The following AUTS2 variants were observed in gnomAD, a reference collection of about 807,000 sequenced individuals.
AUTS2 encodes the protein autism susceptibility gene 2 protein.
Under a neutral mutation model 112.4 loss-of-function variants are expected in AUTS2, and 17 were observed. That is an observed-to-expected ratio of 0.15 (90% confidence interval 0.10 to 0.23). The LOEUF (loss-of-function observed/expected upper bound fraction) is 0.23, where lower values mean the gene tolerates loss of function less well. Ranked by LOEUF, AUTS2 falls within the 10% of genes least tolerant of loss-of-function variation. The pLI is 1.00. For synonymous variants in AUTS2, 751 were observed against 702.7 expected, an observed-to-expected ratio of 1.07 and a Z score of -1.09; for missense variants, 1,510 against 1,701.6, an observed-to-expected ratio of 0.89 and a Z score of 1.98.
At chr7:70,063,349 T>C (rs2129561181) in intron 2 of AUTS2, among the ~76,000 whole-genome samples, 1 of 152,060 alleles carries the variant, frequency 6.6e-6, no homozygotes, top group Admixed American at 6.5e-5. Context: ...ATTTGATATA[T>C]AAAAATCCAT....
chr7:69,915,859 T>A (rs368404402), intron 2 of AUTS2, among the ~76,000 whole-genome samples: 2 of 152,316 alleles, frequency 1.3e-5, no homozygotes, highest in East Asian at 1.9e-4. Context: ...CCTGAGTAGC[T>A]GGGACTACAG....
At chr7:70,254,579 G>A (rs1299673692) in intron 4 of AUTS2, among the ~76,000 whole-genome samples, 2 of 152,094 alleles carry the variant, frequency 1.3e-5, no homozygotes, top group South Asian at 2.1e-4. Context: ...AACACTGTCC[G>A]TTTGTACATG....
intron 5 of AUTS2, among the ~76,000 whole-genome samples, chr7:70,644,340 T>C (rs1250891285): frequency 6.6e-6 from 1 of 151,926 alleles, no homozygotes; most frequent in African/African-American, 2.4e-5. Context: ...TTTAGGAAAA[T>C]TTTGAGCAGA....
At chr7:69,939,763 G>T (rs1796552371) in intron 2 of AUTS2, among the ~76,000 whole-genome samples, 1 of 152,196 alleles carries the variant, frequency 6.6e-6, no homozygotes, top group Non-Finnish European at 1.5e-5. Context: ...TCTATGTAGA[G>T]CAGAGCATGG....
intron 6 of AUTS2, among the ~76,000 whole-genome samples, chr7:70,752,136 C>G (rs1414724200): frequency 6.6e-6 from 1 of 151,924 alleles, no homozygotes; most frequent in Admixed American, 6.6e-5. Flanking sequence ...GCCAGGACAG[C>G]TAAGAATCGC....
intron 4 of AUTS2, among the ~76,000 whole-genome samples, chr7:70,167,424 A>G (rs1808441892): frequency 6.6e-6 from 1 of 152,212 alleles, no homozygotes; most frequent in African/African-American, 2.4e-5. Flanking sequence ...ACATAAAGCA[A>G]AAACTAATAG....
chr7:69,855,896 G>A (rs564452910), intron 1 of AUTS2, among the ~76,000 whole-genome samples: 2 of 152,208 alleles, frequency 1.3e-5, no homozygotes, highest in African/African-American at 4.8e-5. Context: ...AGGGCCTCAG[G>A]GATGGTGGGT....
intron 4 of AUTS2, among the ~76,000 whole-genome samples, chr7:70,420,103 ACAGT>A (rs1157820570): frequency 6.6e-6 from 1 of 152,212 alleles, no homozygotes; most frequent in Non-Finnish European, 1.5e-5. Context: ...GGCTTTCTAC[ACAGT>A]CAGCTTGAAA....
At chr7:69,926,067 A>T (rs571633406) in intron 2 of AUTS2, among the ~76,000 whole-genome samples, 35 of 152,318 alleles carry the variant, frequency 2.3e-4, no homozygotes, top group Non-Finnish European at 4.6e-4. Flanking sequence ...GCACAATTTT[A>T]TGGCCCAGAA....
chr7:70,422,826 A>G (rs1336973651), intron 4 of AUTS2, among the ~76,000 whole-genome samples: 1 of 152,112 alleles, frequency 6.6e-6, no homozygotes, highest in Non-Finnish European at 1.5e-5. Flanking sequence ...TCAGACACCT[A>G]CCACACTTTC....
intron 4 of AUTS2, among the ~76,000 whole-genome samples, chr7:70,188,784 C>CT (rs530872900): frequency 0.082 from 11,650 of 142,786 alleles, 555 homozygotes; most frequent in African/African-American, 0.12. Flanking sequence ...TTCTTTCTTT[C>CT]TTTTTTTTTT....
chr7:70,196,555 T>TG (rs1810184116), intron 4 of AUTS2, among the ~76,000 whole-genome samples: 1 of 152,240 alleles, frequency 6.6e-6, no homozygotes, highest in Non-Finnish European at 1.5e-5. Context: ...TCTGGATATA[T>TG]GGTTGCAGCA....
At chr7:69,984,266 G>A in intron 2 of AUTS2, among the ~76,000 whole-genome samples, 1 of 151,998 alleles carries the variant, frequency 6.6e-6, no homozygotes, top group Non-Finnish European at 1.5e-5. Context: ...AATTAGCCGG[G>A]CATGGTGGCA....
chr7:70,182,751 A>G (rs1809385174), intron 4 of AUTS2, among the ~76,000 whole-genome samples: 1 of 152,124 alleles, frequency 6.6e-6, no homozygotes, highest in Admixed American at 6.5e-5. Context: ...TTGAGAAGAA[A>G]ACTGGCTTTA....
intron 4 of AUTS2, among the ~76,000 whole-genome samples, chr7:70,383,189 A>G (rs1165135666): frequency 6.6e-6 from 1 of 152,042 alleles, no homozygotes; most frequent in East Asian, 1.9e-4. Context: ...CTCCCAGTAG[A>G]AGATGAGAGG....
At chr7:70,773,598 CCA>C (rs1383287418) in intron 11 of AUTS2, among the ~76,000 whole-genome samples, 3 of 152,178 alleles carry the variant, frequency 2.0e-5, no homozygotes, top group South Asian at 2.1e-4. Context: ...TAAAGTACTT[CCA>C]GTTATTCTGA....
intron 4 of AUTS2, among the ~76,000 whole-genome samples, chr7:70,157,172 C>A (rs1303434580): frequency 6.6e-6 from 1 of 151,260 alleles, no homozygotes; most frequent in Non-Finnish European, 1.5e-5. Flanking sequence ...TTAGTATTTT[C>A]TCTTTTCTGA....
intron 5 of AUTS2, among the ~76,000 whole-genome samples, chr7:70,456,834 G>C (rs1413664624): frequency 6.6e-6 from 1 of 152,166 alleles, no homozygotes; most frequent in African/African-American, 2.4e-5. Flanking sequence ...GATTTCACCT[G>C]GCTGCACATG....
chr7:69,889,988 C>A (rs993704097), intron 1 of AUTS2, among the ~76,000 whole-genome samples: 1 of 152,140 alleles, frequency 6.6e-6, no homozygotes, highest in African/African-American at 2.4e-5. Context: ...ATGCTGTGCT[C>A]AGCTTTCAGA....
Sources: gnomAD v4.1 joint callset for allele counts (sites outside exome capture counted in the v4.1 genomes callset) on GRCh38, gnomAD v4.1.1 for gene constraint, MANE v1.5 for transcripts, NCBI Gene and HGNC (gene_info 2026-07-23, HGNC 2026-07-21) for gene names.